The following OSBP2 variants were observed in gnomAD, a reference collection of about 807,000 sequenced individuals.
OSBP2 encodes oxysterol binding protein 2.
A neutral mutation model predicts 96.0 loss-of-function variants in OSBP2; 66 were observed. The ratio of observed to expected loss-of-function variants is 0.69; its 90% CI spans 0.56 to 0.84. OSBP2 has a LOEUF of 0.84. Ranked by LOEUF, OSBP2 falls within the 40% of genes least tolerant of loss-of-function variation. The pLI is 0.00. For missense variants in OSBP2, 1,038 were observed against 1,222.7 expected, an observed-to-expected ratio of 0.85 and a Z score of 2.25; for synonymous variants, 525 against 520.9, an observed-to-expected ratio of 1.01 and a Z score of -0.11.
chr22:30,754,561 C>T (rs1228719947), intron 2 of OSBP2, among the ~76,000 whole-genome samples: 1 of 152,144 alleles, frequency 6.6e-6, no homozygotes, highest in African/African-American at 2.4e-5. Context: ...GGAGTAGGCA[C>T]CTCACTGTTT....
intron 12 of OSBP2, chr22:30,902,221 A>C (rs12167144): frequency 0.31 from 440,447 of 1,431,010 alleles, 70,702 homozygotes; most frequent in East Asian, 0.54. Flanking sequence ...ACAGAGCCCC[A>C]CACACAGCAT....
chr22:30,739,239 T>A (rs985914989), intron 1 of OSBP2, among the ~76,000 whole-genome samples: 1 of 152,216 alleles, frequency 6.6e-6, no homozygotes, highest in African/African-American at 2.4e-5. Flanking sequence ...ATAAGTCCGT[T>A]GTTATGAGAT....
chr22:30,807,857 T>C (rs2090950370), intron 2 of OSBP2, among the ~76,000 whole-genome samples: 2 of 152,188 alleles, frequency 1.3e-5, no homozygotes, highest in Non-Finnish European at 2.9e-5. Context: ...AGTTTTACAC[T>C]TCACTGTAGC....
rs188700536 is a variant in OSBP2 at position 30,881,759 on chromosome 22, C to A, written c.1108-5667C>A. 7.7e-7 allele frequency: 1 copy of A among 1,304,042 alleles called. No individual in the cohort carries two copies. Among genetic ancestry groups the A allele is most frequent in the Non-Finnish European group, 1.0e-6 (1 of 988,942 alleles). The allele number at this position is 1,304,042 out of a possible 1,614,324, so 80.8% of individuals were successfully genotyped here. ...AGCCAGGATGGGGCCTGGAGAAGGCCGGCAGCAGCAGAGGAGACCCTGGGA... is the reference window on the plus strand; with the variant it reads ...AGCCAGGATGGGGCCTGGAGAAGGCAGGCAGCAGCAGAGGAGACCCTGGGA... On this transcript the variant is annotated intron_variant, in intron 3 of 13. Transcript: ENST00000332585. This position sits in a 1 kb window ranked among gnomAD's most constrained non-coding sequence, Gnocchi z 4.5.
intron 2 of OSBP2, among the ~76,000 whole-genome samples, chr22:30,796,192 G>T (rs1367234088): frequency 6.6e-6 from 1 of 152,122 alleles, no homozygotes; most frequent in African/African-American, 2.4e-5. Context: ...GTCACACAAG[G>T]CCCTGGCTTT....
chr22:30,720,729 G>C (rs2089534943), intron 1 of OSBP2, among the ~76,000 whole-genome samples: 1 of 152,178 alleles, frequency 6.6e-6, no homozygotes. Flanking sequence ...TTTAATAAAA[G>C]GGTTTTGCTA....
chr22:30,783,050 G>C (rs1157642707), intron 2 of OSBP2, among the ~76,000 whole-genome samples: 14 of 142,930 alleles, frequency 9.8e-5, no homozygotes, highest in Admixed American at 9.8e-4. Context: ...GCTTCAAAGA[G>C]TAGGGAACCT....
intron 2 of OSBP2, among the ~76,000 whole-genome samples, chr22:30,766,043 G>A (rs1256934581): frequency 6.6e-6 from 1 of 152,076 alleles, no homozygotes; most frequent in East Asian, 1.9e-4. Flanking sequence ...AGAGCAGCCT[G>A]GGCAACATAT....
intron 2 of OSBP2, among the ~76,000 whole-genome samples, chr22:30,837,795 G>A (rs972501401): frequency 1.3e-5 from 2 of 152,152 alleles, no homozygotes; most frequent in Non-Finnish European, 2.9e-5. Flanking sequence ...AAATCTTGAT[G>A]CCAGCATTGT....
Position 30,813,936 on chromosome 22 carries a change from G to T in OSBP2, c.854-56493G>T, listed in dbSNP as rs151123615. Among the ~76,000 whole-genome samples, 734 of 152,030 alleles carry T rather than the reference G, an allele frequency of 4.8e-3. 8 individuals are homozygous for T. Among genetic ancestry groups the T allele is most frequent in the African/African-American group, 0.017 (709 of 41,460 alleles). ...TCCTGCCTCAGCCTCCCTATTAGCT[G>T]GGATTACAGGTGCATGCCATCACGT... On this transcript the variant is annotated intron_variant, in intron 2 of 13. Coordinates refer to ENST00000332585, the MANE Select transcript of OSBP2 (RefSeq NM_030758.4).
intron 2 of OSBP2, among the ~76,000 whole-genome samples, chr22:30,842,231 A>C (rs2038767230): frequency 6.6e-6 from 1 of 152,238 alleles, no homozygotes; most frequent in Non-Finnish European, 1.5e-5. Flanking sequence ...CTATGAATGC[A>C]GCCAACTATG....
chr22:30,827,663 G>T (rs1339411719), intron 2 of OSBP2, among the ~76,000 whole-genome samples: 1 of 152,186 alleles, frequency 6.6e-6, no homozygotes, highest in Middle Eastern at 3.2e-3. Flanking sequence ...GAGTCAACCT[G>T]TCAAGGCAAC....
chr22:30,697,825 C>A (rs537100104), intron 1 of OSBP2, among the ~76,000 whole-genome samples: 2 of 152,186 alleles, frequency 1.3e-5, no homozygotes, highest in South Asian at 4.1e-4. Flanking sequence ...TTTATACGAT[C>A]CTGTGCCCTC....
chr22:30,839,437 A>T (rs1157043831), intron 2 of OSBP2, among the ~76,000 whole-genome samples: 3 of 131,162 alleles, frequency 2.3e-5, no homozygotes, highest in South Asian at 4.9e-4. Flanking sequence ...GACTTCCACA[A>T]TGGTTGAACT....
chr22:30,706,932 G>A (rs1401584650), intron 1 of OSBP2, among the ~76,000 whole-genome samples: 2 of 152,030 alleles, frequency 1.3e-5, no homozygotes, highest in African/African-American at 4.8e-5. Context: ...GCCTTTTTGT[G>A]TATTTCATTT....
Position 30,893,205 on chromosome 22 carries a change from C to T in OSBP2, c.1953C>T (p.Ser651=). The T allele has an allele frequency of 3.1e-6, 5 of 1,614,134 alleles. No homozygotes were observed. Among genetic ancestry groups the T allele is most frequent in the Non-Finnish European group, 4.2e-6 (5 of 1,179,976 alleles). Residue 651 remains serine (S), a synonymous_variant, in exon 9 of 14, where the codon AGC becomes AGT. Transcript: ENST00000332585. ...WSLWQEITIS[S]KFRGKYISIM... is the part of the protein sequence containing the mutation. ...TCTGGCAGGAGATCACCATCTCCAG[C>T]AAGTTCCGGGGAAAATACATCTCCA...
chr22:30,709,671 G>A (rs141768764), intron 1 of OSBP2, among the ~76,000 whole-genome samples: 2 of 151,390 alleles, frequency 1.3e-5, no homozygotes, highest in African/African-American at 2.4e-5. Flanking sequence ...ATGAGCCACC[G>A]CACCTGGCCA....
intron 2 of OSBP2, among the ~76,000 whole-genome samples, chr22:30,806,342 G>T (rs2090927933): frequency 6.6e-6 from 1 of 152,218 alleles, no homozygotes; most frequent in African/African-American, 2.4e-5. Context: ...TCGCTTAGTG[G>T]CAAGAGGAGG....
intron 1 of OSBP2, among the ~76,000 whole-genome samples, chr22:30,734,837 T>A (rs1375317244): frequency 6.6e-6 from 1 of 152,176 alleles, no homozygotes; most frequent in Non-Finnish European, 1.5e-5. Flanking sequence ...GCCCCCACAT[T>A]TATATATTTC....
Sources: allele counts gnomAD v4.1 joint callset (sites outside exome capture counted in the v4.1 genomes callset), GRCh38; gene constraint gnomAD v4.1.1; non-coding constraint Gnocchi (gnomAD v3.1); transcripts MANE v1.5; gene names NCBI Gene and HGNC (gene_info 2026-07-23, HGNC 2026-07-21).